Variants in FSD1 observed in about 807,000 individuals in gnomAD.
FSD1 encodes fibronectin type III and SPRY domain containing 1.
A neutral mutation model predicts 58.2 loss-of-function variants in FSD1; 23 were observed. That is an observed-to-expected ratio of 0.40 (90% CI 0.28 to 0.56). FSD1 has a LOEUF of 0.56. FSD1 is among the 20% of genes least tolerant of loss of function. FSD1 has a pLI of 0.54. For synonymous variants in FSD1, 265 were observed against 263.4 expected, an observed-to-expected ratio of 1.01 and a Z score of -0.06; for missense variants, 563 against 670.8, an observed-to-expected ratio of 0.84 and a Z score of 1.78.
chr19:4,308,525 C>T (rs1013801202), intron 4 of FSD1, among the ~76,000 whole-genome samples: 10 of 151,714 alleles, frequency 6.6e-5, no homozygotes, highest in Admixed American at 6.6e-4. Context: ...GAGTTTCAGA[C>T]CAACATGGGC....
Position 4,310,509 on chromosome 19 carries a change from A to G in FSD1, c.403A>G (p.Lys135Glu). 6.2e-7 allele frequency: 1 copy of G among 1,613,582 alleles called. No individual in the cohort carries two copies. The highest frequency in any genetic ancestry group is 2.2e-5 in the East Asian group (1 of 44,838). ...TMAPAFRLSL[K>E]AKVSDNMSHL... ...GGCCCCTGCCTTCCGGCTATCATTG[A>G]AAGCGAAGGTCAGTGACAACATGAG... is the stretch of plus-strand genomic sequence containing the variant. Residue 135 changes from lysine (K) to glutamate (E), a missense_variant, in exon 6 of 13, where the codon AAA (lysine) becomes GAA (glutamate). By Grantham distance (56) the Lys-to-Glu change is moderately conservative. Transcript: ENST00000221856.
At chr19:4,318,239 C>A in intron 8 of FSD1, 107 bp from the exon 9 acceptor site, 2 of 1,448,876 alleles carry the variant, frequency 1.4e-6, no homozygotes, top group Non-Finnish European at 1.9e-6. Flanking sequence ...CTCTTTGATT[C>A]TCTGTCCCTG....
intron 7 of FSD1, among the ~76,000 whole-genome samples, chr19:4,315,281 T>C (rs1236607869): frequency 6.7e-6 from 1 of 150,016 alleles, no homozygotes; most frequent in African/African-American, 2.5e-5. Context: ...ACTATAGGCA[T>C]GCGCCCCAAC....
At chr19:4,306,125 T>A in intron 2 of FSD1, 73 bp from the exon 3 acceptor site, 1 of 1,610,914 alleles carries the variant, frequency 6.2e-7, no homozygotes, top group Non-Finnish European at 8.5e-7. Flanking sequence ...CCCATTGCTG[T>A]TGATGCCTGT....
intron 3 of FSD1, 72 bp from the exon 4 acceptor site, chr19:4,307,810 G>A (rs1971638935): frequency 2.7e-6 from 3 of 1,091,852 alleles, no homozygotes; most frequent in Admixed American, 4.4e-5. Flanking sequence ...ATTCTGAATG[G>A]GGTGGGGAGC....
At position 4,323,033 on chromosome 19, in the gene FSD1, G is replaced by T. The variant is rs148882494; in HGVS notation, c.1087G>T (p.Glu363Ter). The T allele has an allele frequency of 1.2e-6, 2 of 1,611,888 alleles. No individual in the cohort carries two copies. The highest frequency in any genetic ancestry group is 2.7e-5 in the African/African-American group (2 of 74,824). The change falls in exon 11 of 13, where the codon GAG becomes TAG. Residue 363 changes from glutamate to a stop codon, truncating the protein, a stop_gained. Coordinates refer to ENST00000221856, the MANE Select transcript of FSD1 (RefSeq NM_024333.3). LOFTEE classifies it high-confidence loss of function. The surrounding 1 kb of genome is among the most constrained non-coding windows in gnomAD (Gnocchi z 7.7). ...GGAGCATTACTGGGAGGTGCGCTACGAGCCGGACAGCAAGGCGTTCGGCGT... is the reference window on the plus strand; with the variant it reads ...GGAGCATTACTGGGAGGTGCGCTACTAGCCGGACAGCAAGGCGTTCGGCGT... ...GGEHYWEVRYEPDSKAFGVGV... is the reference protein window; with the variant it reads ...GGEHYWEVRY
chr19:4,313,525 C>T (rs1971718815), intron 7 of FSD1, among the ~76,000 whole-genome samples: 1 of 151,410 alleles, frequency 6.6e-6, no homozygotes, highest in Admixed American at 6.6e-5. Flanking sequence ...TGAGACCAGC[C>T]TGACCAACAT....
Position 4,312,045 on chromosome 19 carries a change from C to A in FSD1, c.694C>A (p.Leu232Met). 6.2e-7 allele frequency: 1 copy of A among 1,605,320 alleles called. No homozygotes were observed. The highest frequency in any genetic ancestry group is 8.5e-7 in the Non-Finnish European group (1 of 1,179,226). ...GGGCATCCGGCAGACAGAGTACACC[C>A]TGACAGGTAAGGGCAGTGTGTGCCA... ...IEGIRQTEYT[L>M]TGLKFDMKYM... is the part of the protein sequence containing the mutation. The change falls in exon 7 of 13, where the codon CTG becomes ATG. Residue 232 changes from leucine to methionine, a missense_variant. Coordinates refer to ENST00000221856, the MANE Select transcript of FSD1 (RefSeq NM_024333.3).
intron 8 of FSD1, among the ~76,000 whole-genome samples, chr19:4,318,021 CA>C (rs1599540477): frequency 6.6e-6 from 1 of 151,854 alleles, no homozygotes; most frequent in African/African-American, 2.4e-5. Context: ...CATCTCAAAA[CA>C]AAAAGAAAAG....
At chr19:4,318,207 TCTTGGA>T (rs1971775734) in intron 8 of FSD1, 133 bp from the exon 9 acceptor site, 1 of 1,051,716 alleles carries the variant, frequency 9.5e-7, no homozygotes, top group Non-Finnish European at 1.4e-6. Context: ...CTTATCTCTG[TCTTGGA>T]CTCTTATCTC....
chr19:4,306,376 C>G (rs1441931900), intron 3 of FSD1, 47 bp downstream of exon 3: 1 of 1,605,114 alleles, frequency 6.2e-7, no homozygotes, highest in Non-Finnish European at 8.5e-7. Flanking sequence ...TCCTACTCAA[C>G]AGAACGTAGC....
chr19:4,305,821 C>A (rs181924559), intron 1 of FSD1, 125 bp from the exon 2 acceptor site: 6 of 726,084 alleles, frequency 8.3e-6, no homozygotes, highest in African/African-American at 3.4e-5. Context: ...TGTGTGCGCA[C>A]GCGTGTGCAT....
Position 4,310,666 on chromosome 19 carries a change from C to T in FSD1, c.490+70C>T, listed in dbSNP as rs762857330. ...CCTGGGAGGCTAGGAGGCCCTGAAA[C>T]AGGACCTGGAGTATGGTGGACGACC... On this transcript the variant is annotated intron_variant, in intron 6 of 12. Transcript: ENST00000221856. 3 of 1,549,772 alleles carry T rather than the reference C, an allele frequency of 1.9e-6. No individual in the cohort carries two copies. In the Admixed American group the frequency reaches 5.3e-5, roughly 27 times the overall value.
At chr19:4,305,839 CGT>C (rs1412161176) in intron 1 of FSD1, 105 bp from the exon 2 acceptor site, 24 of 798,014 alleles carry the variant, frequency 3.0e-5, no homozygotes, top group Non-Finnish European at 4.6e-5. Context: ...CATTTATGTA[CGT>C]GTGTGCATGT....
At chr19:4,318,810 C>T in intron 9 of FSD1, 62 bp from the exon 10 acceptor site, 1 of 1,350,268 alleles carries the variant, frequency 7.4e-7, no homozygotes, top group Non-Finnish European at 1.1e-6. Flanking sequence ...GGTAGCCTTA[C>T]CGTGGGAGAG....
chr19:4,312,408 T>A (rs1971703260), intron 7 of FSD1, among the ~76,000 whole-genome samples: 2 of 151,412 alleles, frequency 1.3e-5, no homozygotes, highest in Non-Finnish European at 2.9e-5. Context: ...GGAGAATTGC[T>A]TGAACCCGGA....
intron 10 of FSD1, 83 bp from the exon 11 acceptor site, chr19:4,322,903 T>TGG (rs1971717148): frequency 6.7e-7 from 1 of 1,490,758 alleles, no homozygotes; most frequent in Non-Finnish European, 9.0e-7. Flanking sequence ...AGGAGCACCT[T>TGG]GGGGGCTGGC....
chr19:4,318,336 C>T lies in FSD1; in HGVS notation c.800-10C>T, dbSNP rs369938564. On this transcript the variant is annotated splice_polypyrimidine_tract_variant and intron_variant, in intron 8 of 12. Transcript: ENST00000221856. ...CCATCTCTGTGACTCCCACGTCTGC[C>T]CGGCCCCAGCGTTCATGTTCCGCCT... 298 of 1,613,620 alleles carry T rather than the reference C, an allele frequency of 1.8e-4. No homozygotes were observed. Among genetic ancestry groups the T allele is most frequent in the Non-Finnish European group, 1.8e-4 (217 of 1,179,992 alleles).
Position 4,323,496 on chromosome 19 carries a change from A to T in FSD1, c.1381-37A>T. 6.3e-7 allele frequency: 1 copy of T among 1,577,396 alleles called. No individual in the cohort carries two copies. The highest frequency in any genetic ancestry group is 8.7e-7 in the Non-Finnish European group (1 of 1,148,498). On this transcript the variant is annotated intron_variant, in intron 12 of 12. Transcript: ENST00000221856. The surrounding 1 kb of genome is among the most constrained non-coding windows in gnomAD (Gnocchi z 7.7). Reference sequence around the variant, plus strand: ...GGTGGTGCTGGGCGCTGGGGTTTGAAGCTGAGCCCCTCCCCCCTCCCCCCG... The same window carrying T: ...GGTGGTGCTGGGCGCTGGGGTTTGATGCTGAGCCCCTCCCCCCTCCCCCCG...
Sources: allele counts gnomAD v4.1 joint callset (sites outside exome capture counted in the v4.1 genomes callset), GRCh38; gene constraint gnomAD v4.1.1; non-coding constraint Gnocchi (gnomAD v3.1); transcripts MANE v1.5; gene names NCBI Gene and HGNC (gene_info 2026-07-23, HGNC 2026-07-21).